COG2: variants seen among roughly 807,000 people sequenced by gnomAD.
COG2 encodes the protein conserved oligomeric Golgi complex subunit 2.
COG2 carries 52 observed loss-of-function variants against 90.6 expected under a neutral mutation model. The observed-to-expected ratio is 0.57, with a 90% confidence interval of 0.46 to 0.72. COG2 has a LOEUF of 0.72. Ranked by LOEUF, COG2 falls within the 30% of genes least tolerant of loss-of-function variation. COG2 has a pLI of 0.00. For missense variants in COG2, 829 were observed against 891.2 expected (o/e 0.93, Z 0.89); for synonymous variants, 337 against 320.4 (o/e 1.05, Z -0.55).
At chr1:230,645,482 C>T (rs113374274) in intron 1 of COG2, among the ~76,000 whole-genome samples, 2,272 of 152,206 alleles carry the variant, frequency 0.015, 47 homozygotes, top group African/African-American at 0.052. Context: ...CTGACAGCAA[C>T]CTCGTTCTTG....
At chr1:230,652,554 C>T (rs1216141987) in intron 1 of COG2, among the ~76,000 whole-genome samples, 1 of 152,160 alleles carries the variant, frequency 6.6e-6, no homozygotes, top group Non-Finnish European at 1.5e-5. Context: ...ATTTTCAACC[C>T]ATTTGGCTAA....
chr1:230,668,937 G>A (rs1450917029), intron 6 of COG2, 153 bp downstream of exon 6: 6 of 532,954 alleles, frequency 1.1e-5, no homozygotes, highest in African/African-American at 1.9e-5. Flanking sequence ...CTTCCTAAGT[G>A]TCACACATTA....
At chr1:230,679,649 A>G (rs1211925179) in intron 10 of COG2, 1 of 152,250 alleles carries the variant, frequency 6.6e-6, no homozygotes, top group African/African-American at 2.4e-5. Context: ...CACCTTTGTC[A>G]ATAAGCCATT....
intron 1 of COG2, among the ~76,000 whole-genome samples, chr1:230,646,763 T>G (rs536534535): frequency 6.6e-6 from 1 of 152,284 alleles, no homozygotes; most frequent in East Asian, 1.9e-4. Flanking sequence ...CAGGTAATAC[T>G]AGACCTGAGG....
At chr1:230,657,723 C>T (rs1364037581) in intron 1 of COG2, among the ~76,000 whole-genome samples, 1 of 152,108 alleles carries the variant, frequency 6.6e-6, no homozygotes, top group East Asian at 1.9e-4. Context: ...CAGATTTGGT[C>T]TTTTCATCTA....
At chr1:230,689,061 G>T (rs1235610555) in intron 15 of COG2, among the ~76,000 whole-genome samples, 1 of 152,076 alleles carries the variant, frequency 6.6e-6, no homozygotes, top group East Asian at 1.9e-4. Flanking sequence ...GCCAAATGTG[G>T]TGGCTCACAC....
chr1:230,686,978 A>T lies in COG2; in HGVS notation c.1424A>T (p.Lys475Met). The T allele has an allele frequency of 6.2e-7, 1 of 1,600,414 alleles. No homozygotes were observed. The highest frequency in any genetic ancestry group is 2.2e-5 in the East Asian group (1 of 44,638). ...PISNESPKEIKKPLVTGSKEP... is the reference protein window; with the variant it reads ...PISNESPKEIMKPLVTGSKEP... ...TCTAATGAAAGTCCCAAGGAGATCA[A>T]GAAACCTTTGGTAACTGGTAGCAAA... Residue 475 changes from lysine to methionine, a missense_variant, in exon 13 of 18, where the codon AAG (lysine) becomes ATG (methionine). Transcript: ENST00000366669.
At chr1:230,675,855 A>G (rs1034690141) in intron 9 of COG2, among the ~76,000 whole-genome samples, 1 of 151,894 alleles carries the variant, frequency 6.6e-6, no homozygotes, top group Admixed American at 6.6e-5. Context: ...GGGTCTCACT[A>G]TGTTGCCTAG....
Position 230,663,161 on chromosome 1 carries a change from T to G in COG2, c.321T>G (p.Ser107Arg), listed in dbSNP as rs748826570. 6.2e-7 allele frequency: 1 copy of G among 1,610,624 alleles called. No homozygotes were observed. Among genetic ancestry groups the G allele is most frequent in the Non-Finnish European group, 8.5e-7 (1 of 1,178,304 alleles). The change falls in exon 4 of 18, where the codon AGT becomes AGG. Residue 107 changes from serine to arginine, a missense_variant. Ser to Arg is a moderately radical substitution (Grantham distance 110). Coordinates refer to ENST00000366669, the MANE Select transcript of COG2 (RefSeq NM_007357.3). ...TAAAGAGCCTTAGATCGTCTGTCAG[T>G]GAAGGAATTCGGGCAGTTGATGAAC... ...EEVLSLRSSV[S>R]EGIRAVDERM...
At chr1:230,674,249 A>G (rs1662531275) in intron 8 of COG2, among the ~76,000 whole-genome samples, 1 of 152,236 alleles carries the variant, frequency 6.6e-6, no homozygotes, top group Non-Finnish European at 1.5e-5. Context: ...AGTTGGTACT[A>G]TGATCATCAC....
intron 1 of COG2, among the ~76,000 whole-genome samples, chr1:230,655,674 T>C (rs922956852): frequency 6.6e-6 from 1 of 152,266 alleles, no homozygotes; most frequent in Non-Finnish European, 1.5e-5. Context: ...GAAGGAATGG[T>C]ACCAGCTCCT....
chr1:230,643,191 G>T (rs1661671864), intron 1 of COG2, among the ~76,000 whole-genome samples: 2 of 152,222 alleles, frequency 1.3e-5, no homozygotes, highest in Admixed American at 1.3e-4. Context: ...GACTATTGCA[G>T]TACGACAAAG....
At chr1:230,682,113 T>G (rs1467670) in intron 10 of COG2, 144,151 of 152,264 alleles carry the variant, frequency 0.95, 68,302 homozygotes, top group East Asian at 0.99. Context: ...TGAATATATC[T>G]CAGGTTCCAT....
At position 230,651,202 on chromosome 1, in the gene COG2, G is replaced by A. The variant is rs371002108; in HGVS notation, c.73-8262G>A. ...ATGAATACAGAATGATGATGTCTGG[G>A]GGATTTGGGTTCTGTCCCTGCTGCA... On this transcript the variant is annotated intron_variant, in intron 1 of 17. Coordinates refer to ENST00000366669, the MANE Select transcript of COG2 (RefSeq NM_007357.3). 2.1e-3 allele frequency among the ~76,000 whole-genome samples: 324 copies of A among 152,076 alleles called. 2 individuals are homozygous for A. Among genetic ancestry groups the A allele is most frequent in the African/African-American group, 7.6e-3 (316 of 41,486 alleles).
Position 230,693,343 on chromosome 1 carries a change from G to A in COG2, c.2167G>A (p.Ala723Thr), listed in dbSNP as rs142420369. The change falls in exon 18 of 18, where the codon GCA (alanine) becomes ACA (threonine). Residue 723 changes from alanine (A) to threonine (T), a missense_variant. Transcript: ENST00000366669. ...ASDIKSFSAL[A>T]ELVAAAKDQA... ...TGACATAAAAAGCTTCTCAGCTCTC[G>A]CAGAGCTTGTTGCTGCTGCCAAGGA... is the stretch of plus-strand genomic sequence containing the variant. 48 of 1,613,338 alleles carry A rather than the reference G, an allele frequency of 3.0e-5. No homozygotes were observed. In the African/African-American group the frequency reaches 4.0e-4, roughly 13 times the overall value.
chr1:230,668,922 G>A (rs911027364), intron 6 of COG2, 138 bp downstream of exon 6: 36 of 550,710 alleles, frequency 6.5e-5, no homozygotes, highest in African/African-American at 1.2e-4. Flanking sequence ...TTTTTTGGGC[G>A]CCAGCTTCCT....
chr1:230,686,034 T>G (rs186507267), intron 12 of COG2, among the ~76,000 whole-genome samples: 122 of 152,368 alleles, frequency 8.0e-4, no homozygotes, highest in African/African-American at 2.7e-3. Flanking sequence ...GCAGTGTATT[T>G]TAATGGAAAG....
rs751063936 is a variant in COG2 at position 230,642,628 on chromosome 1, C to T, written c.22C>T (p.Leu8=). The change falls in exon 1 of 18, where the codon CTG becomes TTG. Residue 8 remains leucine (L), a synonymous_variant. Coordinates refer to ENST00000366669, the MANE Select transcript of COG2 (RefSeq NM_007357.3). MEKSRMN[L]PKGPDTLCFD... The stretch of plus-strand genomic sequence containing the variant: ...CGGGATGGAGAAAAGTAGGATGAAC[C>T]TGCCCAAGGGGCCGGACACGCTCTG... 4.3e-6 allele frequency: 7 copies of T among 1,613,172 alleles called. No homozygotes were observed. The highest frequency in any genetic ancestry group is 3.3e-5 in the South Asian group (3 of 90,808).
intron 17 of COG2, 29 bp downstream of exon 17, chr1:230,691,593 C>A (rs752445182): frequency 5.0e-6 from 8 of 1,588,582 alleles, no homozygotes; most frequent in Non-Finnish European, 6.9e-6. Flanking sequence ...GCAGCTCCAG[C>A]GAGCCTGAAA....
Sources: allele counts gnomAD v4.1 joint callset (sites outside exome capture counted in the v4.1 genomes callset), GRCh38; gene constraint gnomAD v4.1.1; transcripts MANE v1.5; gene names NCBI Gene and HGNC (gene_info 2026-07-23, HGNC 2026-07-21).